The following EPG5 variants were observed in gnomAD, a reference collection of about 807,000 sequenced individuals.
EPG5 encodes ectopic P-granules 5 autophagy tethering factor.
Under a neutral mutation model 302.7 loss-of-function variants are expected in EPG5, and 159 were observed. The ratio of observed to expected loss-of-function variants is 0.53; its 90% CI spans 0.46 to 0.60. The LOEUF is 0.60. Among genes scored for constraint, EPG5 ranks in the 20% least tolerant of loss-of-function variants. The pLI, the probability that EPG5 is intolerant of heterozygous loss-of-function variation, is 0.00. For synonymous variants in EPG5, 1,158 were observed against 1,136.8 expected (o/e 1.02, Z -0.37); for missense variants, 2,896 against 3,092.4 (o/e 0.94, Z 1.51).
Position 45,916,641 on chromosome 18 carries a change from C to T in EPG5, c.3240-59G>A, listed in dbSNP as rs1039473408. ...CCGATCAGAACTCAACAGAATTTTC[C>T]CTAATTACTTATGAGGAAACAGAAA... On this transcript the variant is annotated intron_variant, in intron 17 of 43. Coordinates refer to ENST00000282041, the MANE Select transcript of EPG5 (RefSeq NM_020964.3). 1.5e-4 allele frequency: 220 copies of T among 1,485,606 alleles called. 1 individual carries two copies. The highest frequency in any genetic ancestry group is 1.9e-4 in the Non-Finnish European group (210 of 1,109,192). The allele number at this position is 1,485,606 out of a possible 1,614,324, so 92.0% of individuals were successfully genotyped here.
chr18:45,953,080 G>C (rs1267358452), intron 2 of EPG5, among the ~76,000 whole-genome samples: 2 of 152,086 alleles, frequency 1.3e-5, no homozygotes, highest in African/African-American at 4.8e-5. Context: ...GGCTGAAGCA[G>C]GAGAATTGCC....
At chr18:45,868,931 T>A (rs1568105573) in intron 36 of EPG5, among the ~76,000 whole-genome samples, 2 of 151,660 alleles carry the variant, frequency 1.3e-5, no homozygotes, top group South Asian at 4.2e-4. Context: ...GGTGGGCACC[T>A]GTAGTCCCAG....
At chr18:45,962,055 AG>A (rs757816614) in intron 1 of EPG5, among the ~76,000 whole-genome samples, 4 of 148,864 alleles carry the variant, frequency 2.7e-5, no homozygotes, top group Non-Finnish European at 4.4e-5. Context: ...CACTAAGGCC[AG>A]GTTCTTTGGG....
At chr18:45,813,963 G>GA in the EPG5 span, among the ~76,000 whole-genome samples, 27 of 151,300 alleles carry the variant, frequency 1.8e-4, no homozygotes, top group Admixed American at 7.9e-4. Flanking sequence ...TTAGAAATTT[G>GA]AAAAAAAATC....
chr18:45,858,154 G>A (rs770384101), intron 41 of EPG5, 86 bp from the exon 42 acceptor site: 5 of 985,124 alleles, frequency 5.1e-6, no homozygotes, highest in Non-Finnish European at 7.7e-6. Flanking sequence ...GAGTTTGAAG[G>A]ATAGGAGACA....
intron 36 of EPG5, among the ~76,000 whole-genome samples, chr18:45,869,608 T>C (rs528221056): frequency 6.6e-6 from 1 of 152,334 alleles, no homozygotes; most frequent in Admixed American, 6.5e-5. Flanking sequence ...TGGTGATAAA[T>C]ATTTACTTAA....
intron 36 of EPG5, among the ~76,000 whole-genome samples, chr18:45,868,658 C>T (rs904026835): frequency 2.1e-4 from 32 of 151,256 alleles, no homozygotes; most frequent in African/African-American, 7.3e-4. Context: ...CGTGAGCCAC[C>T]GCGCCCGGCC....
At chr18:45,949,447 C>T (rs1284758494) in intron 5 of EPG5, 37 bp downstream of exon 5, 6 of 1,323,570 alleles carry the variant, frequency 4.5e-6, no homozygotes, top group African/African-American at 4.4e-5. Flanking sequence ...AAAACCTCTC[C>T]CCCAACCCCT....
chr18:45,942,609 A>C (rs7504927), intron 9 of EPG5, among the ~76,000 whole-genome samples: 1 of 152,248 alleles, frequency 6.6e-6, no homozygotes. Flanking sequence ...TCTCAAAAAA[A>C]TAAAAAAATA....
At chr18:45,837,653 G>T in the EPG5 span, 1 of 1,505,572 alleles carries the variant, frequency 6.6e-7, no homozygotes, top group Non-Finnish European at 8.8e-7. Context: ...GCGCGCGGGC[G>T]AGCCCTATGC....
chr18:45,829,507 C>G, the EPG5 span, among the ~76,000 whole-genome samples: 1 of 152,216 alleles, frequency 6.6e-6, no homozygotes, highest in African/African-American at 2.4e-5. Flanking sequence ...CAATGAGCCT[C>G]AGCTCCACCC....
At chr18:45,947,242 G>A (rs763212975) in intron 6 of EPG5, among the ~76,000 whole-genome samples, 8 of 152,054 alleles carry the variant, frequency 5.3e-5, no homozygotes, top group East Asian at 1.9e-4. Flanking sequence ...GTGAAACCCC[G>A]TCTCTACTAA....
chr18:45,891,111 T>C (rs190678248), intron 27 of EPG5, among the ~76,000 whole-genome samples: 2 of 152,318 alleles, frequency 1.3e-5, no homozygotes, highest in Non-Finnish European at 1.5e-5. Context: ...AAGATATCCT[T>C]TATAAATAAT....
chr18:45,876,385 T>C (rs1317050709), intron 34 of EPG5, 43 bp from the exon 35 acceptor site: 1 of 1,503,280 alleles, frequency 6.7e-7, no homozygotes, highest in African/African-American at 1.4e-5. Flanking sequence ...CAACCGTGAT[T>C]AAAATACTGT....
At chr18:45,900,887 T>C in intron 26 of EPG5, 109 bp downstream of exon 26, 1 of 1,271,284 alleles carries the variant, frequency 7.9e-7, no homozygotes, top group Non-Finnish European at 1.1e-6. Context: ...TTGGTCAAAC[T>C]ATCCTCATTG....
chr18:45,878,119 C>T (rs1236422088), intron 34 of EPG5, among the ~76,000 whole-genome samples: 1 of 152,134 alleles, frequency 6.6e-6, no homozygotes, highest in African/African-American at 2.4e-5. Context: ...GTTTATTCAA[C>T]CTCTTATTGT....
At chr18:45,860,895 G>C (rs1366563836) in intron 39 of EPG5, among the ~76,000 whole-genome samples, 1 of 152,036 alleles carries the variant, frequency 6.6e-6, no homozygotes, top group African/African-American at 2.4e-5. Context: ...AATAAGGAAA[G>C]TAAACCAACT....
intron 9 of EPG5, among the ~76,000 whole-genome samples, chr18:45,940,852 A>G (rs1004094509): frequency 1.3e-5 from 2 of 152,222 alleles, no homozygotes; most frequent in Non-Finnish European, 2.9e-5. Flanking sequence ...GGCCTGAGAA[A>G]CTAGAATAGA....
the EPG5 span, chr18:45,842,509 C>T: frequency 3.3e-6 from 1 of 302,596 alleles, no homozygotes; most frequent in Admixed American, 4.3e-5. Context: ...TTCCCTTGCC[C>T]TTTCTTACCT....
Sources: allele counts gnomAD v4.1 joint callset (sites outside exome capture counted in the v4.1 genomes callset), GRCh38; gene constraint gnomAD v4.1.1; transcripts MANE v1.5; gene names NCBI Gene and HGNC (gene_info 2026-07-23, HGNC 2026-07-21).